The following MTUS2 variants were observed in gnomAD, a reference collection of about 807,000 sequenced individuals.
MTUS2 encodes the protein microtubule-associated tumor suppressor candidate 2.
In MTUS2, 40 loss-of-function variants were observed where a neutral mutation model predicts 114.1. The observed-to-expected ratio is 0.35, with a 90% confidence interval of 0.27 to 0.46. The LOEUF (loss-of-function observed/expected upper bound fraction) is 0.46, where lower values mean the gene tolerates loss of function less well. MTUS2 is among the 20% of genes least tolerant of loss of function. The pLI is 1.00. For synonymous variants in MTUS2, 688 were observed against 672.0 expected (o/e 1.02, Z -0.37); for missense variants, 1,679 against 1,705.4 (o/e 0.98, Z 0.27).
chr13:29,129,577 T>TATGTC (rs10694315), intron 5 of MTUS2, among the ~76,000 whole-genome samples: 119,553 of 151,510 alleles, frequency 0.79, 47,486 homozygotes, highest in Non-Finnish European at 0.84. Flanking sequence ...TTTTTATTGA[T>TATGTC]ATATTTGTTC....
chr13:28,973,279 C>G (rs757102603), intron 2 of MTUS2, among the ~76,000 whole-genome samples: 10 of 152,198 alleles, frequency 6.6e-5, no homozygotes, highest in Non-Finnish European at 8.8e-5. Context: ...TGACAGGTAA[C>G]TCCATGGACA....
At chr13:29,163,597 C>T (rs1185190236) in intron 5 of MTUS2, among the ~76,000 whole-genome samples, 1 of 152,156 alleles carries the variant, frequency 6.6e-6, no homozygotes, top group East Asian at 1.9e-4. Flanking sequence ...GGCTCTGGAA[C>T]ATCTATGAAT....
intron 9 of MTUS2, among the ~76,000 whole-genome samples, chr13:29,475,579 G>A (rs1036827776): frequency 6.6e-6 from 1 of 152,160 alleles, no homozygotes; most frequent in Non-Finnish European, 1.5e-5. Flanking sequence ...TGGAGATATT[G>A]ATGGTCCTGA....
At chr13:29,421,292 A>G (rs1394368452) in intron 8 of MTUS2, among the ~76,000 whole-genome samples, 1 of 152,326 alleles carries the variant, frequency 6.6e-6, no homozygotes, top group East Asian at 1.9e-4. Context: ...ATCCAGCCCT[A>G]GAGATCCTGC....
chr13:29,124,249 G>A (rs1275495609), intron 5 of MTUS2, among the ~76,000 whole-genome samples: 1 of 152,166 alleles, frequency 6.6e-6, no homozygotes, highest in Non-Finnish European at 1.5e-5. Context: ...TCATAGATTA[G>A]TGGAGGAGGA....
intron 4 of MTUS2, among the ~76,000 whole-genome samples, chr13:29,052,283 A>C (rs1027646769): frequency 6.6e-6 from 1 of 152,010 alleles, no homozygotes; most frequent in African/African-American, 2.4e-5. Context: ...GGAGTTCGAG[A>C]CCAGCCTGGC....
chr13:28,929,843 C>T (rs1881519822), intron 2 of MTUS2, among the ~76,000 whole-genome samples: 1 of 152,294 alleles, frequency 6.6e-6, no homozygotes, highest in East Asian at 1.9e-4. Flanking sequence ...GAGGGGACCC[C>T]ACTGTGTAGT....
chr13:28,946,582 C>G (rs1882546695), intron 2 of MTUS2, among the ~76,000 whole-genome samples: 1 of 152,158 alleles, frequency 6.6e-6, no homozygotes. Flanking sequence ...TCAGGCATAT[C>G]AACATGGATA....
At chr13:29,199,915 T>C (rs1894868581) in intron 5 of MTUS2, among the ~76,000 whole-genome samples, 1 of 152,186 alleles carries the variant, frequency 6.6e-6, no homozygotes, top group African/African-American at 2.4e-5. Context: ...CCTGGTTTAG[T>C]CTTGGGAGGG....
intron 2 of MTUS2, among the ~76,000 whole-genome samples, chr13:28,950,170 G>A (rs1358551806): frequency 6.6e-6 from 1 of 152,086 alleles, no homozygotes. Context: ...GACATTTTAT[G>A]GTTTTGATTT....
At chr13:28,930,601 C>G (rs966325848) in intron 2 of MTUS2, among the ~76,000 whole-genome samples, 1 of 152,186 alleles carries the variant, frequency 6.6e-6, no homozygotes, top group African/African-American at 2.4e-5. Context: ...ACAAGAACAT[C>G]TCACATATCT....
chr13:28,876,258 C>G (rs1351820509), intron 2 of MTUS2, among the ~76,000 whole-genome samples: 1 of 152,132 alleles, frequency 6.6e-6, no homozygotes, highest in African/African-American at 2.4e-5. Flanking sequence ...GTGTTCCTCC[C>G]TAGATTAGAG....
chr13:29,238,114 A>G (rs1234250135), intron 5 of MTUS2, among the ~76,000 whole-genome samples: 4 of 152,218 alleles, frequency 2.6e-5, no homozygotes, highest in Non-Finnish European at 5.9e-5. Context: ...CTGCATTCCC[A>G]TGTTCATCAC....
At position 29,474,926 on chromosome 13, in the gene MTUS2, C is replaced by A. The variant is rs539192152; in HGVS notation, c.3185-5224C>A. On this transcript the variant is annotated intron_variant, in intron 9 of 15. Coordinates refer to ENST00000612955, the MANE Select transcript of MTUS2 (RefSeq NM_001033602.4). The stretch of plus-strand genomic sequence containing the variant: ...ACACAAGCCAACTTATTGCCTTGAT[C>A]TTCTGGAGTTAAAGCTACTGATCTT... 9.2e-5 allele frequency among the ~76,000 whole-genome samples: 14 copies of A among 152,282 alleles called. No individual in the cohort carries two copies. In the South Asian group the frequency reaches 1.9e-3, roughly 20 times the overall value.
At chr13:29,093,975 A>G (rs1422716807) in intron 4 of MTUS2, among the ~76,000 whole-genome samples, 1 of 152,172 alleles carries the variant, frequency 6.6e-6, no homozygotes, top group East Asian at 1.9e-4. Context: ...TAAGAAGATC[A>G]TATGGTTTTT....
At chr13:28,941,251 A>G (rs1188653659) in intron 2 of MTUS2, among the ~76,000 whole-genome samples, 2 of 152,076 alleles carry the variant, frequency 1.3e-5, no homozygotes, top group African/African-American at 4.8e-5. Flanking sequence ...TACTGTATTC[A>G]TTAATGTGGG....
At chr13:29,238,150 A>G (rs1896604644) in intron 5 of MTUS2, among the ~76,000 whole-genome samples, 2 of 152,230 alleles carry the variant, frequency 1.3e-5, no homozygotes, top group Non-Finnish European at 2.9e-5. Context: ...AGCCAAGACA[A>G]GAAGACAACC....
At chr13:29,265,464 A>G (rs1344808589) in intron 5 of MTUS2, among the ~76,000 whole-genome samples, 6 of 152,090 alleles carry the variant, frequency 3.9e-5, no homozygotes, top group African/African-American at 1.4e-4. Flanking sequence ...CTGCTTCCAC[A>G]TTTTCAGTAT....
intron 7 of MTUS2, among the ~76,000 whole-genome samples, chr13:29,358,879 C>G (rs965534644): frequency 4.1e-5 from 6 of 145,790 alleles, no homozygotes; most frequent in African/African-American, 1.5e-4. Context: ...GGTTGCTAGA[C>G]GATTATAAGT....
Sources: gnomAD v4.1 joint callset for allele counts (sites outside exome capture counted in the v4.1 genomes callset) on GRCh38, gnomAD v4.1.1 for gene constraint, MANE v1.5 for transcripts, NCBI Gene and HGNC (gene_info 2026-07-23, HGNC 2026-07-21) for gene names.